The following SEMA3A variants were observed in gnomAD, a reference collection of about 807,000 sequenced individuals.
The protein encoded by SEMA3A is semaphorin-3A.
A neutral mutation model predicts 97.9 loss-of-function variants in SEMA3A; 29 were observed. The ratio of observed to expected loss-of-function variants is 0.30; its 90% CI spans 0.22 to 0.40. SEMA3A has a LOEUF of 0.40. SEMA3A is among the 10% of genes least tolerant of loss of function. SEMA3A has a pLI of 1.00. For missense variants in SEMA3A, 763 were observed against 951.3 expected, an observed-to-expected ratio of 0.80 and a Z score of 2.60; for synonymous variants, 321 against 323.7, an observed-to-expected ratio of 0.99 and a Z score of 0.09.
Position 84,101,498 on chromosome 7 carries a change from T to C in SEMA3A, c.453+8972A>G, listed in dbSNP as rs922540163. On this transcript the variant is annotated intron_variant, in intron 4 of 16. Coordinates refer to ENST00000265362, the MANE Select transcript of SEMA3A (RefSeq NM_006080.3). ...CGTTATGTTAAAACCACTGTGCAAC[T>C]ATAACACAATGGTTTTCTCCCCCCA... is the stretch of plus-strand genomic sequence containing the variant. Among the ~76,000 whole-genome samples the C allele has an allele frequency of 2.0e-5, 3 of 152,182 alleles. No homozygotes were observed. In the East Asian group the frequency reaches 5.8e-4, roughly 29 times the overall value.
chr7:84,301,927 T>C (rs1210014120), intron 3 of SEMA3A, among the ~76,000 whole-genome samples: 1 of 152,142 alleles, frequency 6.6e-6, no homozygotes, highest in Non-Finnish European at 1.5e-5. Context: ...CCAATCCACG[T>C]CTTTTTCAAA....
intron 3 of SEMA3A, among the ~76,000 whole-genome samples, chr7:84,281,110 C>G (rs1296593523): frequency 2.0e-5 from 3 of 152,066 alleles, no homozygotes; most frequent in African/African-American, 7.2e-5. Flanking sequence ...TTAGATCTGC[C>G]AGCCATTGCT....
At chr7:84,390,389 G>A (rs939841572) in intron 1 of SEMA3A, among the ~76,000 whole-genome samples, 3 of 148,530 alleles carry the variant, frequency 2.0e-5, no homozygotes, top group African/African-American at 4.9e-5. Context: ...ACCATTGCTG[G>A]GTCAATTTCA....
At chr7:84,483,189 A>G (rs2527543) in intron 1 of SEMA3A, among the ~76,000 whole-genome samples, 30,618 of 152,066 alleles carry the variant, frequency 0.2, 3,744 homozygotes, top group East Asian at 0.47. Context: ...CTACCCATGG[A>G]TAAAAAGCTA....
rs1484812978 is a variant in SEMA3A at position 84,021,668 on chromosome 7, C to G, written c.668-7317G>C. 2.0e-5 allele frequency among the ~76,000 whole-genome samples: 3 copies of G among 152,158 alleles called. 1 individual carries two copies. The highest frequency in any genetic ancestry group is 4.1e-4 in the South Asian group (2 of 4,830). On this transcript the variant is annotated intron_variant, in intron 6 of 16. Coordinates refer to ENST00000265362, the MANE Select transcript of SEMA3A (RefSeq NM_006080.3). ...CTCCATCATCTTGTAAACTAATATCCCTATTTTTTTCTTTTTCTTTCTTGC... is the reference window on the plus strand; with the variant it reads ...CTCCATCATCTTGTAAACTAATATCGCTATTTTTTTCTTTTTCTTTCTTGC...
Position 84,002,039 on chromosome 7 carries a change from C to G in SEMA3A, c.1368G>C (p.Gly456=), listed in dbSNP as rs899523578. 10 of 1,602,036 alleles carry G rather than the reference C, an allele frequency of 6.2e-6. No individual in the cohort carries two copies. Among genetic ancestry groups the G allele is most frequent in the Non-Finnish European group, 8.5e-6 (10 of 1,171,088 alleles). The change falls in exon 12 of 17, where the codon GGG becomes GGC. Residue 456 remains glycine, a synonymous_variant. Coordinates refer to ENST00000265362, the MANE Select transcript of SEMA3A (RefSeq NM_006080.3). ...YDVMFIGTDV[G]TVLKVVSIPK... is the part of the protein sequence containing the mutation. The stretch of plus-strand genomic sequence containing the variant: ...GAATTGAAACTACTTTAAGAACGGT[C>G]CCAACATCTTTGAAAGAAAGTGGGG...
chr7:84,481,646 T>G (rs1347352100), intron 1 of SEMA3A, among the ~76,000 whole-genome samples: 1 of 152,148 alleles, frequency 6.6e-6, no homozygotes, highest in Non-Finnish European at 1.5e-5. Flanking sequence ...TACACATAAT[T>G]CAAGATAAAT....
At chr7:84,197,672 T>G (rs2116288008), upstream of SEMA3A, among the ~76,000 whole-genome samples, 1 of 151,256 alleles carries the variant, frequency 6.6e-6, no homozygotes, top group South Asian at 2.1e-4. Flanking sequence ...TCAGAATCTA[T>G]CGGAATCTGG....
intron 1 of SEMA3A, among the ~76,000 whole-genome samples, chr7:84,406,333 C>T (rs1393781425): frequency 6.6e-6 from 1 of 152,096 alleles, no homozygotes; most frequent in African/African-American, 2.4e-5. Context: ...CATACACCCT[C>T]CCAAGACTAA....
chr7:84,485,449 G>C (rs1806550937), intron 1 of SEMA3A, among the ~76,000 whole-genome samples: 1 of 151,400 alleles, frequency 6.6e-6, no homozygotes, highest in Admixed American at 6.6e-5. Flanking sequence ...GATCATAGTT[G>C]ATTACAGCCT....
At chr7:84,462,408 T>C (rs1805869886) in intron 1 of SEMA3A, among the ~76,000 whole-genome samples, 2 of 152,322 alleles carry the variant, frequency 1.3e-5, no homozygotes, top group South Asian at 4.1e-4. Context: ...CAAGGAATTT[T>C]ATGTAAAGAA....
intron 6 of SEMA3A, among the ~76,000 whole-genome samples, chr7:84,019,306 G>T (rs1007754800): frequency 6.6e-6 from 1 of 151,838 alleles, no homozygotes; most frequent in African/African-American, 2.4e-5. Flanking sequence ...GAATAAAAAA[G>T]CTTAGGAAGG....
chr7:84,290,013 A>G (rs914560865), intron 3 of SEMA3A, among the ~76,000 whole-genome samples: 2 of 152,152 alleles, frequency 1.3e-5, no homozygotes, highest in African/African-American at 4.8e-5. Flanking sequence ...TCACAAAAGA[A>G]CAGAAATTAT....
intron 2 of SEMA3A, among the ~76,000 whole-genome samples, chr7:84,312,897 TATATATATATATATATATATATATAC>T (rs1488503709): frequency 1.1e-4 from 7 of 61,382 alleles, no homozygotes; most frequent in East Asian, 5.5e-4. Context: ...TATATATATA[TATATATATATATATATATATATATAC>T]ACACACACAC....
At chr7:84,482,558 T>A (rs1049351115) in intron 1 of SEMA3A, among the ~76,000 whole-genome samples, 7 of 152,172 alleles carry the variant, frequency 4.6e-5, no homozygotes, top group Non-Finnish European at 1.5e-5. Flanking sequence ...TAAACACTGA[T>A]GATCATAGTT....
At chr7:84,477,642 T>C (rs1806329450) in intron 1 of SEMA3A, among the ~76,000 whole-genome samples, 1 of 152,064 alleles carries the variant, frequency 6.6e-6, no homozygotes, top group Non-Finnish European at 1.5e-5. Context: ...GGCCTATGTA[T>C]AGTGATATAA....
intron 3 of SEMA3A, among the ~76,000 whole-genome samples, chr7:84,202,016 C>T (rs1237281186): frequency 6.6e-6 from 1 of 152,108 alleles, no homozygotes; most frequent in Non-Finnish European, 1.5e-5. Context: ...TCAACTAAAG[C>T]TTTATCAGTG....
At chr7:84,366,957 T>A (rs1393578787) in intron 2 of SEMA3A, among the ~76,000 whole-genome samples, 2 of 151,070 alleles carry the variant, frequency 1.3e-5, no homozygotes, top group Non-Finnish European at 3.0e-5. Flanking sequence ...TTCTAAAGAA[T>A]TTGCATACAC....
At chr7:84,320,376 T>C (rs1403938011) in intron 2 of SEMA3A, among the ~76,000 whole-genome samples, 1 of 152,126 alleles carries the variant, frequency 6.6e-6, no homozygotes, top group East Asian at 1.9e-4. Context: ...TCCAGTACAA[T>C]GAAAAAGTTA....
Sources: gnomAD v4.1 joint callset for allele counts (sites outside exome capture counted in the v4.1 genomes callset) on GRCh38, gnomAD v4.1.1 for gene constraint, MANE v1.5 for transcripts, NCBI Gene and HGNC (gene_info 2026-07-23, HGNC 2026-07-21) for gene names.